Variants in LONP2 observed in about 807,000 individuals in gnomAD.
LONP2 encodes lon protease homolog 2, peroxisomal.
In LONP2, 60 loss-of-function variants were observed where a neutral mutation model predicts 85.6. That is an observed-to-expected ratio of 0.70 (90% CI 0.57 to 0.87). The LOEUF (loss-of-function observed/expected upper bound fraction) is 0.87, where lower values mean the gene tolerates loss of function less well. LONP2 is among the 40% of genes least tolerant of loss of function. The pLI, the probability that LONP2 is intolerant of heterozygous loss-of-function variation, is 0.00. For missense variants in LONP2, 860 were observed against 1,063.5 expected (o/e 0.81, Z 2.66); for synonymous variants, 395 against 389.7 (o/e 1.01, Z -0.16).
At position 48,328,329 on chromosome 16, in the gene LONP2, A is replaced by G. The variant is rs548023146; in HGVS notation, c.1796-5887A>G. ...GAGAGGCTGTGGCGGGTGAATCACG[A>G]TATCAGGAGTTCGAGACTAGCCTGA... On this transcript the variant is annotated intron_variant, in intron 11 of 14. Coordinates refer to ENST00000285737, the MANE Select transcript of LONP2 (RefSeq NM_031490.5). Among the ~76,000 whole-genome samples, 21 of 151,718 alleles carry G rather than the reference A, an allele frequency of 1.4e-4. No homozygotes were observed. In the East Asian group the frequency reaches 3.9e-3, roughly 28 times the overall value.
chr16:48,247,440 G>C (rs1302156874), intron 1 of LONP2: 3 of 152,518 alleles, frequency 2.0e-5, no homozygotes, highest in African/African-American at 7.2e-5. Flanking sequence ...TGCTCCCAGC[G>C]TTCTTTGCCA....
Position 48,244,450 on chromosome 16 carries a change from G to T in LONP2, c.62G>T (p.Gly21Val). The change falls in exon 1 of 15, where the codon GGC (glycine) becomes GTC (valine). Residue 21 changes from glycine to valine, a missense_variant. Physicochemically the swap from Gly to Val is moderately radical, Grantham distance 109. Transcript: ENST00000285737. ...CTCCCGCTGCTGCTCACCCACGAGGGCGTCCTGCTGCCCGGCTCCACCATG... is the reference window on the plus strand; with the variant it reads ...CTCCCGCTGCTGCTCACCCACGAGGTCGTCCTGCTGCCCGGCTCCACCATG... ...SRLPLLLTHE[G>V]VLLPGSTMRT... The T allele has an allele frequency of 6.3e-7, 1 of 1,595,382 alleles. No homozygotes were observed. The highest frequency in any genetic ancestry group is 8.5e-7 in the Non-Finnish European group (1 of 1,175,386).
chr16:48,324,979 A>G (rs1022660182), intron 11 of LONP2, among the ~76,000 whole-genome samples: 2 of 152,152 alleles, frequency 1.3e-5, no homozygotes, highest in Non-Finnish European at 2.9e-5. Flanking sequence ...AATATACAAT[A>G]CTGTTAACCA....
Position 48,352,632 on chromosome 16 carries a change from T to TAA in LONP2, c.*839_*840dup. The TAA allele has an allele frequency of 1.4e-5, 2 of 147,048 alleles. No homozygotes were observed. Among genetic ancestry groups the TAA allele is most frequent in the Non-Finnish European group, 3.0e-5 (2 of 66,302 alleles). 9.1% of individuals were successfully genotyped at this position (147,048 alleles called of 1,614,324 possible). A position where few individuals can be genotyped will look rare whatever the true frequency, so the allele number is the denominator to read the frequency against. On this transcript the variant is annotated 3_prime_UTR_variant, in exon 15 of 15. Coordinates refer to ENST00000285737, the MANE Select transcript of LONP2 (RefSeq NM_031490.5). ...CTGGCTGACAGAGCGAGACTGTCTCTAAAAAAAAAAGACTCAAGTGGACCC... is the reference window on the plus strand; with the variant it reads ...CTGGCTGACAGAGCGAGACTGTCTCTAAAAAAAAAAAAGACTCAAGTGGACCC...
At chr16:48,248,134 A>AT (rs1211084868) in intron 1 of LONP2, among the ~76,000 whole-genome samples, 1 of 151,116 alleles carries the variant, frequency 6.6e-6, no homozygotes, top group Non-Finnish European at 1.5e-5. Flanking sequence ...TTCTACTTTA[A>AT]TTTTTTTGAG....
chr16:48,299,262 C>T (rs928496938), intron 9 of LONP2, among the ~76,000 whole-genome samples: 1 of 152,004 alleles, frequency 6.6e-6, no homozygotes, highest in African/African-American at 2.4e-5. Context: ...AATCTAAGAT[C>T]CATTTAATCT....
At chr16:48,263,916 T>TG (rs1215272571) in intron 6 of LONP2, among the ~76,000 whole-genome samples, 1 of 152,090 alleles carries the variant, frequency 6.6e-6, no homozygotes, top group East Asian at 1.9e-4. Context: ...GCTGGGTGTC[T>TG]GGGGGAGACA....
intron 1 of LONP2, among the ~76,000 whole-genome samples, chr16:48,250,538 A>G (rs16946018): frequency 0.012 from 1,861 of 152,178 alleles, 40 homozygotes; most frequent in African/African-American, 0.042. Flanking sequence ...TAGCAATGAC[A>G]TAGCCCAAAT....
intron 11 of LONP2, among the ~76,000 whole-genome samples, chr16:48,323,106 G>A (rs117770643): frequency 0.012 from 1,892 of 152,214 alleles, 15 homozygotes; most frequent in Non-Finnish European, 0.019. Flanking sequence ...GTAGTCTATT[G>A]GAAGAGGTAG....
intron 7 of LONP2, among the ~76,000 whole-genome samples, chr16:48,275,127 A>G (rs1011613481): frequency 1.3e-5 from 2 of 152,186 alleles, no homozygotes; most frequent in Non-Finnish European, 2.9e-5. Flanking sequence ...GCTAATAATG[A>G]TGAGCATCAC....
At chr16:48,305,836 T>A (rs1419827922) in intron 11 of LONP2, among the ~76,000 whole-genome samples, 1 of 152,242 alleles carries the variant, frequency 6.6e-6, no homozygotes, top group Non-Finnish European at 1.5e-5. Flanking sequence ...TTTGTCATTA[T>A]TTTTGTTCTT....
At chr16:48,268,117 T>C (rs1309628874) in intron 6 of LONP2, among the ~76,000 whole-genome samples, 1 of 152,244 alleles carries the variant, frequency 6.6e-6, no homozygotes, top group Non-Finnish European at 1.5e-5. Context: ...AAAAATTTTT[T>C]ACATGTAATC....
Position 48,352,035 on chromosome 16 carries a change from C to T in LONP2, c.*233C>T, listed in dbSNP as rs1016260528. On this transcript the variant is annotated 3_prime_UTR_variant, in exon 15 of 15. Transcript: ENST00000285737. The stretch of plus-strand genomic sequence containing the variant: ...CTTTTTAGTGGGATCCTTACTGTCC[C>T]TGGAAAGATATAGCATAGTGGTTCT... 1.8e-6 allele frequency: 1 copy of T among 543,104 alleles called. No individual in the cohort carries two copies. The highest frequency in any genetic ancestry group is 3.3e-6 in the Non-Finnish European group (1 of 305,120). 33.6% of individuals were successfully genotyped at this position (543,104 alleles called of 1,614,324 possible). A position where few individuals can be genotyped will look rare whatever the true frequency, so the allele number is the denominator to read the frequency against.
chr16:48,348,120 C>G lies in LONP2; in HGVS notation c.2167C>G (p.Leu723Val). The change falls in exon 14 of 15, where the codon CTT becomes GTT. Residue 723 changes from leucine (L) to valine (V), a missense_variant. Physicochemically the swap from Leu to Val is conservative, Grantham distance 32. This residue lies in a region of LONP2 where 743 missense variants were observed against 917.3 expected (regional missense o/e 0.81). Transcript: ENST00000285737. The stretch of plus-strand genomic sequence containing the variant: ...TAAAGCTTTTGGAAGTTTTGATCTT[C>G]TTGACAACACAGACATCCATCTGCA... ...LTNAFGSFDL[L>V]DNTDIHLHFP... 2 of 1,604,000 alleles carry G rather than the reference C, an allele frequency of 1.2e-6. No individual in the cohort carries two copies. Among genetic ancestry groups the G allele is most frequent in the Non-Finnish European group, 1.7e-6 (2 of 1,177,752 alleles).
intron 7 of LONP2, among the ~76,000 whole-genome samples, chr16:48,272,248 A>C (rs1377066883): frequency 6.6e-6 from 1 of 152,210 alleles, no homozygotes; most frequent in Non-Finnish European, 1.5e-5. Context: ...AGTTTTTATA[A>C]ATTTCAATCT....
At chr16:48,320,761 C>G (rs901816202) in intron 11 of LONP2, among the ~76,000 whole-genome samples, 1 of 152,080 alleles carries the variant, frequency 6.6e-6, no homozygotes, top group African/African-American at 2.4e-5. Flanking sequence ...CAATATTGGC[C>G]TGGTTTAAGA....
rs1277061725 is a variant in LONP2, at chr16:48,362,370, T to G, written c.*507T>G. ...TGTGCCAGTCAGGGCAGGCACCCTC[T>G]GGGATGGTGGACACTTCGAGGTACC... On this transcript the variant is annotated 3_prime_UTR_variant, in exon 5 of 5. Transcript: ENST00000565867. The surrounding 1 kb of genome is among the most constrained non-coding windows in gnomAD (Gnocchi z 4.2). 6.2e-7 allele frequency: 1 copy of G among 1,614,062 alleles called. No homozygotes were observed. Among genetic ancestry groups the G allele is most frequent in the Non-Finnish European group, 8.5e-7 (1 of 1,180,038 alleles).
intron 11 of LONP2, among the ~76,000 whole-genome samples, chr16:48,323,718 TCTCAGTG>T (rs1211321862): frequency 6.6e-6 from 1 of 151,676 alleles, no homozygotes; most frequent in Non-Finnish European, 1.5e-5. Context: ...TCCATCTGTA[TCTCAGTG>T]GTTATTATGT....
chr16:48,251,181 T>G (rs1401661741), intron 1 of LONP2, among the ~76,000 whole-genome samples: 2 of 152,194 alleles, frequency 1.3e-5, no homozygotes, highest in African/African-American at 2.4e-5. Context: ...ATCTTTGAGA[T>G]GGGCAGGTGT....
Sources: allele counts gnomAD v4.1 joint callset (sites outside exome capture counted in the v4.1 genomes callset), GRCh38; gene constraint gnomAD v4.1.1; regional missense constraint gnomAD v4.1.1; non-coding constraint Gnocchi (gnomAD v3.1); transcripts MANE v1.5; gene names NCBI Gene and HGNC (gene_info 2026-07-23, HGNC 2026-07-21).